Variants in AMPD2 observed in about 807,000 individuals in gnomAD.
The protein encoded by AMPD2 is AMP deaminase 2.
A neutral mutation model predicts 91.3 loss-of-function variants in AMPD2; 52 were observed. The ratio of observed to expected loss-of-function variants is 0.57; its 90% CI spans 0.46 to 0.72. The LOEUF is 0.72. AMPD2 is among the 30% of genes least tolerant of loss of function. The pLI, the probability that AMPD2 is intolerant of heterozygous loss-of-function variation, is 0.00. For synonymous variants in AMPD2, 455 were observed against 456.4 expected, an observed-to-expected ratio of 1.00 and a Z score of 0.04; for missense variants, 822 against 1,122.3, an observed-to-expected ratio of 0.73 and a Z score of 3.82.
At position 109,620,934 on chromosome 1, in the gene AMPD2, G is replaced by T; in HGVS notation, c.-242G>T. ...GCCAGGCCCAGCCACCATCAGTCAC[G>T]TCACTCCTGGGACTGAGGAGGCAGG... On this transcript the variant is annotated 5_prime_UTR_variant, in exon 2 of 19. Coordinates refer to ENST00000528667, the MANE Select transcript of AMPD2 (RefSeq NM_001368809.2). 2.0e-6 allele frequency: 3 copies of T among 1,497,918 alleles called. No homozygotes were observed. Among genetic ancestry groups the T allele is most frequent in the African/African-American group, 2.8e-5 (2 of 71,194 alleles). 92.8% of individuals were successfully genotyped at this position (1,497,918 alleles called of 1,614,324 possible).
In AMPD2 at chr1:109,625,657, C is replaced by T. The variant is rs764953041; in HGVS notation, c.223-5C>T. On this transcript the variant is annotated splice_region_variant and splice_polypyrimidine_tract_variant and intron_variant, in intron 3 of 18. Transcript: ENST00000528667. The surrounding 1 kb of genome is among the most constrained non-coding windows in gnomAD (Gnocchi z 4.0). ...GCCATGCTGACCTTCCTTCCCTCCC[C>T]CCAGGAGCTGTTCACCCGCTCACTG... 1.2e-6 allele frequency: 2 copies of T among 1,613,668 alleles called. No homozygotes were observed. Among genetic ancestry groups the T allele is most frequent in the Non-Finnish European group, 1.7e-6 (2 of 1,179,750 alleles).
chr1:109,630,364 C>G lies in AMPD2; in HGVS notation c.2115C>G (p.Val705=). The G allele has an allele frequency of 6.2e-7, 1 of 1,613,902 alleles. No homozygotes were observed. The highest frequency in any genetic ancestry group is 8.5e-7 in the Non-Finnish European group (1 of 1,179,992). Residue 705 remains valine (V), a synonymous_variant, in exon 17 of 19, where the codon GTC becomes GTG. Transcript: ENST00000528667. The part of the protein sequence containing the change: ...LPEYLSRGLM[V]SLSTDDPLQF... ...AGTACCTGTCCCGCGGCCTCATGGT[C>G]TCCCTGTCCACTGATGATCCCTTGC...
chr1:109,631,383 C>T lies in AMPD2; in HGVS notation c.*231C>T. On this transcript the variant is annotated 3_prime_UTR_variant, in exon 19 of 19. Transcript: ENST00000528667. Reference sequence around the variant, plus strand: ...CTGATGGCCCAGGTATTGAGGGCCTCCCCTGCTGGTGGCCCTGTCCTGGGA... The same window carrying T: ...CTGATGGCCCAGGTATTGAGGGCCTTCCCTGCTGGTGGCCCTGTCCTGGGA... 1 of 586,030 alleles carries T rather than the reference C, an allele frequency of 1.7e-6. No individual in the cohort carries two copies. The highest frequency in any genetic ancestry group is 3.0e-6 in the Non-Finnish European group (1 of 329,598). The allele number at this position is 586,030 out of a possible 1,614,324, so 36.3% of individuals were successfully genotyped here.
At position 109,629,186 on chromosome 1, in the gene AMPD2, C is replaced by A. The variant is rs143398602; in HGVS notation, c.1649C>A (p.Ala550Asp). Residue 550 changes from alanine (A) to aspartate (D), a missense_variant, in exon 14 of 19, where the codon GCC becomes GAC. Physicochemically the swap from Ala to Asp is moderately radical, Grantham distance 126. This residue lies in a region of AMPD2 where 430 missense variants were observed against 606.0 expected (regional missense o/e 0.71). Coordinates refer to ENST00000528667, the MANE Select transcript of AMPD2 (RefSeq NM_001368809.2). ...AACATCTTCCTGCCACTGTTCGAGG[C>A]CACTGTGCACCCTGCCAGCCACCCG... ...LENIFLPLFE[A>D]TVHPASHPEL... 3 of 1,614,024 alleles carry A rather than the reference C, an allele frequency of 1.9e-6. No individual in the cohort carries two copies. In the African/African-American group the frequency reaches 4.0e-5, roughly 22 times the overall value.
At chr1:109,630,119 A>G in intron 16 of AMPD2, 114 bp from the exon 17 acceptor site, 1 of 1,383,454 alleles carries the variant, frequency 7.2e-7, no homozygotes, top group Non-Finnish European at 1.0e-6. Context: ...ACATCAGGCC[A>G]AGCCTGGATT....
Position 109,631,180 on chromosome 1 carries a change from C to G in AMPD2, c.*28C>G. The G allele has an allele frequency of 1.3e-6, 2 of 1,551,702 alleles. No homozygotes were observed. The highest frequency in any genetic ancestry group is 1.7e-6 in the Non-Finnish European group (2 of 1,145,034). ...CTGGTCCATGAAGTGCCCACCACATCGCAGCACTTTTACCACGTTTTGTCC... is the reference window on the plus strand; with the variant it reads ...CTGGTCCATGAAGTGCCCACCACATGGCAGCACTTTTACCACGTTTTGTCC... On this transcript the variant is annotated 3_prime_UTR_variant, in exon 19 of 19. Transcript: ENST00000528667.
rs985883989 is a variant in AMPD2 at position 109,627,757 on chromosome 1, G to A, written c.951-17G>A. ...CCTTCAGGGCCTAAGTCCCTGCCTT[G>A]TTCTCCTCATGCCCAGAAAGTCATT... On this transcript the variant is annotated splice_polypyrimidine_tract_variant and intron_variant, in intron 9 of 18. Coordinates refer to ENST00000528667, the MANE Select transcript of AMPD2 (RefSeq NM_001368809.2). 2 of 1,613,504 alleles carry A rather than the reference G, an allele frequency of 1.2e-6. No homozygotes were observed. Among genetic ancestry groups the A allele is most frequent in the Non-Finnish European group, 1.7e-6 (2 of 1,179,710 alleles).
chr1:109,625,281 C>T lies in AMPD2; in HGVS notation c.92-22C>T. Reference sequence around the variant, plus strand: ...AGGGGCTGCCCCTCCACCCTTTGACCCTGGCATCACTGTCTCTGCAGAGGC... The same window carrying T: ...AGGGGCTGCCCCTCCACCCTTTGACTCTGGCATCACTGTCTCTGCAGAGGC... On this transcript the variant is annotated intron_variant, in intron 2 of 18. Coordinates refer to ENST00000528667, the MANE Select transcript of AMPD2 (RefSeq NM_001368809.2). This position sits in a 1 kb window ranked among gnomAD's most constrained non-coding sequence, Gnocchi z 4.0. The T allele has an allele frequency of 1.2e-6, 2 of 1,610,938 alleles. No homozygotes were observed. Among genetic ancestry groups the T allele is most frequent in the Non-Finnish European group, 1.7e-6 (2 of 1,178,330 alleles).
rs371732197 is a variant in AMPD2, at chr1:109,625,274, C to T, written c.92-29C>T. On this transcript the variant is annotated intron_variant, in intron 2 of 18. Transcript: ENST00000528667. This position sits in a 1 kb window ranked among gnomAD's most constrained non-coding sequence, Gnocchi z 4.0. Reference sequence around the variant, plus strand: ...GGCTTTCAGGGGCTGCCCCTCCACCCTTTGACCCTGGCATCACTGTCTCTG... The same window carrying T: ...GGCTTTCAGGGGCTGCCCCTCCACCTTTTGACCCTGGCATCACTGTCTCTG... 2.0e-5 allele frequency: 32 copies of T among 1,609,770 alleles called. No individual in the cohort carries two copies. The East Asian group carries it at 3.6e-4, about 18-fold the overall frequency.
At position 109,631,544 on chromosome 1, in the gene AMPD2, C is replaced by T; in HGVS notation, c.*392C>T. 1 of 312,418 alleles carries T rather than the reference C, an allele frequency of 3.2e-6. No individual in the cohort carries two copies. 19.4% of individuals were successfully genotyped at this position (312,418 alleles called of 1,614,324 possible). On this transcript the variant is annotated 3_prime_UTR_variant, in exon 19 of 19. Coordinates refer to ENST00000528667, the MANE Select transcript of AMPD2 (RefSeq NM_001368809.2). ...GCCTTGGCCAGGGCCGAAGTTTAGG[C>T]CCCTGTCTTGTTCATGTAGCCGAGG...
chr1:109,627,749 C>T (rs779554997), intron 9 of AMPD2, 25 bp from the exon 10 acceptor site: 7 of 1,613,098 alleles, frequency 4.3e-6, no homozygotes, highest in East Asian at 4.5e-5. Context: ...GGCCTAAGTC[C>T]CTGCCTTGTT....
intron 2 of AMPD2, among the ~76,000 whole-genome samples, chr1:109,621,594 G>C (rs912210365): frequency 6.6e-6 from 1 of 152,210 alleles, no homozygotes; most frequent in Non-Finnish European, 1.5e-5. Context: ...TGAATGGAGC[G>C]GGGGTGTGTG....
At position 109,625,300 on chromosome 1, in the gene AMPD2, C is replaced by T; in HGVS notation, c.92-3C>T. 1 of 1,612,826 alleles carries T rather than the reference C, an allele frequency of 6.2e-7. No homozygotes were observed. The highest frequency in any genetic ancestry group is 8.5e-7 in the Non-Finnish European group (1 of 1,179,520). The stretch of plus-strand genomic sequence containing the variant: ...TTTGACCCTGGCATCACTGTCTCTG[C>T]AGAGGCTCGGGGTGGTCTGGGGGCC... On this transcript the variant is annotated splice_region_variant and splice_polypyrimidine_tract_variant and intron_variant, in intron 2 of 18. Transcript: ENST00000528667. The surrounding 1 kb of genome is among the most constrained non-coding windows in gnomAD (Gnocchi z 4.0).
Position 109,627,829 on chromosome 1 carries a change from G to T in AMPD2, c.1006G>T (p.Val336Leu). The change falls in exon 10 of 19, where the codon GTG becomes TTG. Residue 336 changes from valine (V) to leucine (L), a missense_variant. Transcript: ENST00000528667. ...CCTGAGCTCCAAGTTCCAGATGCAT[G>T]TGCTACTCAATGAGATGAAGGAGCT... ...QYLSSKFQMH[V>L]LLNEMKELAA... 7 of 1,614,090 alleles carry T rather than the reference G, an allele frequency of 4.3e-6. No homozygotes were observed. Among genetic ancestry groups the T allele is most frequent in the Non-Finnish European group, 5.1e-6 (6 of 1,180,016 alleles).
Position 109,628,324 on chromosome 1 carries a change from C to A in AMPD2, c.1276-40C>A. ...TGTGGGACTGAGTCAGTCAGGGGACCAGGAGTCACGGGTGACCTGAGCCTT... is the reference window on the plus strand; with the variant it reads ...TGTGGGACTGAGTCAGTCAGGGGACAAGGAGTCACGGGTGACCTGAGCCTT... On this transcript the variant is annotated intron_variant, in intron 11 of 18. Coordinates refer to ENST00000528667, the MANE Select transcript of AMPD2 (RefSeq NM_001368809.2). This position sits in a 1 kb window ranked among gnomAD's most constrained non-coding sequence, Gnocchi z 7.1. 6.2e-7 allele frequency: 1 copy of A among 1,613,338 alleles called. No individual in the cohort carries two copies.
intron 2 of AMPD2, chr1:109,623,940 C>T: frequency 1.1e-6 from 1 of 950,850 alleles, no homozygotes; most frequent in Non-Finnish European, 1.3e-6. Flanking sequence ...TCCCCTAGCT[C>T]CGTGCTCACG....
At chr1:109,629,725 G>T in intron 15 of AMPD2, 71 bp from the exon 16 acceptor site, 4 of 1,390,906 alleles carry the variant, frequency 2.9e-6, no homozygotes, top group Non-Finnish European at 3.7e-6. Flanking sequence ...CGTGCTGGGT[G>T]GGGGTCAGGG....
Position 109,625,415 on chromosome 1 carries a change from A to G in AMPD2, c.204A>G (p.Lys68=). The change falls in exon 3 of 19, where the codon AAA becomes AAG. Residue 68 remains lysine (K), a synonymous_variant. Transcript: ENST00000528667. The surrounding 1 kb of genome is among the most constrained non-coding windows in gnomAD (Gnocchi z 4.0). ...PLDLRTSMDG[K]CKEIAEELFT... ...ACCTGCGCACGTCTATGGATGGCAAATGCAAGGAGATCGCCGAGGTATCAC... is the reference window on the plus strand; with the variant it reads ...ACCTGCGCACGTCTATGGATGGCAAGTGCAAGGAGATCGCCGAGGTATCAC... 3 of 1,613,924 alleles carry G rather than the reference A, an allele frequency of 1.9e-6. No individual in the cohort carries two copies. The highest frequency in any genetic ancestry group is 2.5e-6 in the Non-Finnish European group (3 of 1,179,986).
At chr1:109,630,649 G>GGC in intron 17 of AMPD2, 34 bp from the exon 18 acceptor site, 1 of 1,579,132 alleles carries the variant, frequency 6.3e-7, no homozygotes, top group Admixed American at 1.7e-5. Flanking sequence ...AGCTGGCCAG[G>GGC]GCGCACTCGT....
Sources: gnomAD v4.1 joint callset for allele counts (sites outside exome capture counted in the v4.1 genomes callset) on GRCh38, gnomAD v4.1.1 for gene constraint, gnomAD v4.1.1 regional missense constraint, Gnocchi (gnomAD v3.1) non-coding constraint, MANE v1.5 for transcripts, NCBI Gene and HGNC (gene_info 2026-07-23, HGNC 2026-07-21) for gene names.